Variants in MIER1 observed in about 807,000 individuals in gnomAD.
The protein encoded by MIER1 is MIER1 transcriptional regulator.
A neutral mutation model predicts 75.7 loss-of-function variants in MIER1; 40 were observed. The observed-to-expected ratio is 0.53, with a 90% CI of 0.41 to 0.69. The LOEUF is 0.69. Among genes scored for constraint, MIER1 ranks in the 30% least tolerant of loss-of-function variants. The probability of loss-of-function intolerance (pLI) is 0.00; values close to 1 mark genes in which losing one functional copy is unlikely to be tolerated. For synonymous variants in MIER1, 213 were observed against 223.4 expected (o/e 0.95, Z 0.42); for missense variants, 574 against 680.2 (o/e 0.84, Z 1.74).
chr1:66,929,774 G>A (rs1652638175), intron 2 of MIER1, among the ~76,000 whole-genome samples: 1 of 152,166 alleles, frequency 6.6e-6, no homozygotes, highest in African/African-American at 2.4e-5. Context: ...GAGATTTGGG[G>A]ATATAGAATT....
chr1:66,986,363 C>G lies in MIER1; in HGVS notation c.*1463C>G, dbSNP rs749464460. 6.3e-7 allele frequency: 1 copy of G among 1,596,650 alleles called. No homozygotes were observed. The highest frequency in any genetic ancestry group is 1.1e-5 in the South Asian group (1 of 87,852). ...GCTGATAGACCAACCTATATCCAAA[C>G]TTTTATAAAATATTAATTATTCTTG... is the stretch of plus-strand genomic sequence containing the variant. On this transcript the variant is annotated 3_prime_UTR_variant, in exon 14 of 14. Coordinates refer to ENST00000401041, the MANE Select transcript of MIER1 (RefSeq NM_001077700.3).
At chr1:66,954,635 C>G (rs1488313032) in intron 4 of MIER1, among the ~76,000 whole-genome samples, 2 of 152,046 alleles carry the variant, frequency 1.3e-5, no homozygotes, top group African/African-American at 4.8e-5. Flanking sequence ...TTTTGACTCT[C>G]TCTGTTCTCT....
intron 4 of MIER1, among the ~76,000 whole-genome samples, chr1:66,955,286 A>ATCAG (rs947390230): frequency 4.2e-4 from 61 of 146,448 alleles, no homozygotes; most frequent in African/African-American, 1.4e-3. Flanking sequence ...GACCTGTGAG[A>ATCAG]TCAGTGGTTT....
intron 12 of MIER1, among the ~76,000 whole-genome samples, chr1:66,977,130 A>G (rs560833668): frequency 6.3e-4 from 93 of 146,854 alleles, no homozygotes; most frequent in African/African-American, 2.2e-3. Context: ...TTTTTTTGAG[A>G]TGTAGTCTCA....
intron 7 of MIER1, 40 bp from the exon 8 acceptor site, chr1:66,963,048 T>C: frequency 7.6e-7 from 1 of 1,321,260 alleles, no homozygotes. Context: ...TAAAATCTGT[T>C]ACTAGATCTT....
chr1:66,937,921 T>C lies in MIER1; in HGVS notation c.169-2107T>C, dbSNP rs1655296964. ...TGGAAGTAAAATACTAAAATATGTA[T>C]GGATACTAAATGTATCTGTAGGCAG... On this transcript the variant is annotated intron_variant, in intron 2 of 13. Coordinates refer to ENST00000401041, the MANE Select transcript of MIER1 (RefSeq NM_001077700.3). Among the ~76,000 whole-genome samples, 3 of 152,356 alleles carry C rather than the reference T, an allele frequency of 2.0e-5. No homozygotes were observed. The South Asian group carries it at 6.2e-4, about 32-fold the overall frequency.
intron 2 of MIER1, chr1:66,930,162 T>C: frequency 8.1e-7 from 1 of 1,234,838 alleles, no homozygotes; most frequent in Non-Finnish European, 1.0e-6. Context: ...CTCCGGCGCG[T>C]GCTCGCTGGT....
chr1:66,984,724 C>T lies in MIER1; in HGVS notation c.1522C>T (p.Pro508Ser), dbSNP rs1425265023. Residue 508 changes from proline to serine, a missense_variant, in exon 14 of 14, where the codon CCA becomes TCA. By Grantham distance (74) the Pro-to-Ser change is moderately conservative. Transcript: ENST00000401041. Reference sequence around the variant, plus strand: ...TGAAACAGATAACCTTACCACTGACCCAAAACTTGCCCATATGACTGCAAG... The same window carrying T: ...TGAAACAGATAACCTTACCACTGACTCAAAACTTGCCCATATGACTGCAAG... ...GYETDNLTTD[P>S]KLAHMTARNE... 2 of 1,613,880 alleles carry T rather than the reference C, an allele frequency of 1.2e-6. No individual in the cohort carries two copies. Among genetic ancestry groups the T allele is most frequent in the Non-Finnish European group, 1.7e-6 (2 of 1,179,928 alleles).
chr1:66,958,807 T>G (rs561632610), intron 5 of MIER1, 44 bp from the exon 6 acceptor site: 2 of 1,518,924 alleles, frequency 1.3e-6, no homozygotes, highest in South Asian at 2.5e-5. Flanking sequence ...CATCTGCAAC[T>G]GTTTTCCTTA....
At chr1:66,950,640 A>G (rs2101583041) in intron 4 of MIER1, among the ~76,000 whole-genome samples, 1 of 152,358 alleles carries the variant, frequency 6.6e-6, no homozygotes, top group South Asian at 2.1e-4. Context: ...TGTTCCATCC[A>G]GAGCTAGAGA....
At chr1:66,935,315 T>C (rs1360384647) in intron 2 of MIER1, among the ~76,000 whole-genome samples, 3 of 152,182 alleles carry the variant, frequency 2.0e-5, no homozygotes, top group Non-Finnish European at 4.4e-5. Context: ...CATACAAATA[T>C]GTGGGTGAGG....
intron 3 of MIER1, among the ~76,000 whole-genome samples, chr1:66,944,983 C>G (rs553747309): frequency 1.3e-5 from 2 of 152,118 alleles, no homozygotes; most frequent in East Asian, 3.9e-4. Flanking sequence ...TTCTTGGCCT[C>G]GTGAAGTGCT....
At chr1:66,925,293 G>A in intron 1 of MIER1, 198 bp downstream of exon 1, 2 of 984,856 alleles carry the variant, frequency 2.0e-6, no homozygotes, top group Non-Finnish European at 2.4e-6. Context: ...AGGCGCATGC[G>A]CAGCTTCCTC....
intron 12 of MIER1, 67 bp downstream of exon 12, chr1:66,976,789 G>A: frequency 7.7e-7 from 1 of 1,300,392 alleles, no homozygotes. Flanking sequence ...TTTTTCTTGA[G>A]TTAATTATTA....
chr1:66,971,362 A>G (rs963969606), intron 9 of MIER1, among the ~76,000 whole-genome samples: 16 of 152,042 alleles, frequency 1.1e-4, no homozygotes, highest in Non-Finnish European at 1.9e-4. Context: ...AGGAATCTCA[A>G]GAAGCCACAA....
At chr1:66,972,236 A>AC (rs72158845) in intron 10 of MIER1, among the ~76,000 whole-genome samples, 29,089 of 81,762 alleles carry the variant, frequency 0.36, 3,400 homozygotes, top group Non-Finnish European at 0.39. Context: ...TATACACTAC[A>AC]TATATATATA....
intron 12 of MIER1, among the ~76,000 whole-genome samples, chr1:66,979,574 C>A (rs1474450235): frequency 6.6e-6 from 1 of 152,166 alleles, no homozygotes; most frequent in African/African-American, 2.4e-5. Flanking sequence ...CTCAGCATAA[C>A]TTTGATTACC....
intron 2 of MIER1, chr1:66,930,415 T>C (rs2101037725): frequency 6.2e-7 from 1 of 1,604,684 alleles, no homozygotes. Context: ...GGGAGCGAGC[T>C]CCCCCTCCCT....
chr1:66,948,258 C>T, intron 4 of MIER1: 1 of 920,892 alleles, frequency 1.1e-6, no homozygotes, highest in Non-Finnish European at 1.3e-6. Flanking sequence ...TCCTGTACTC[C>T]ATGATAAAAA....
Sources: allele counts gnomAD v4.1 joint callset (sites outside exome capture counted in the v4.1 genomes callset), GRCh38; gene constraint gnomAD v4.1.1; transcripts MANE v1.5; gene names NCBI Gene and HGNC (gene_info 2026-07-23, HGNC 2026-07-21).